FOXK2: variants seen among roughly 807,000 people sequenced by gnomAD.
FOXK2 encodes the protein forkhead box protein K2.
In FOXK2, 24 loss-of-function variants were observed where a neutral mutation model predicts 53.3. The observed-to-expected ratio is 0.45, with a 90% CI of 0.33 to 0.63. FOXK2 has a LOEUF of 0.63. Ranked by LOEUF, FOXK2 falls within the 30% of genes least tolerant of loss-of-function variation. FOXK2 has a pLI of 0.03. For missense variants in FOXK2, 952 were observed against 910.5 expected, an observed-to-expected ratio of 1.05 and a Z score of -0.59; for synonymous variants, 505 against 407.1, an observed-to-expected ratio of 1.24 and a Z score of -2.89.
At chr17:82,587,337 CGTG>C in intron 8 of FOXK2, 65 bp downstream of exon 8, 1 of 1,291,848 alleles carries the variant, frequency 7.7e-7, no homozygotes, top group Non-Finnish European at 1.1e-6. Context: ...CCTTCTCACT[CGTG>C]GTTTCGGTTC....
At chr17:82,583,990 A>G (rs777292072) in intron 5 of FOXK2, 23 bp from the exon 6 acceptor site, 23 of 1,566,786 alleles carry the variant, frequency 1.5e-5, no homozygotes, top group South Asian at 2.3e-5. Context: ...TAACCATGCA[A>G]TGTCTTCTTC....
chr17:82,552,976 C>T (rs2044691189), intron 1 of FOXK2, among the ~76,000 whole-genome samples: 1 of 152,214 alleles, frequency 6.6e-6, no homozygotes, highest in African/African-American at 2.4e-5. Flanking sequence ...TGCTCTGTTG[C>T]CGAGGCTGCA....
chr17:82,560,559 T>C (rs1249421383), intron 1 of FOXK2, among the ~76,000 whole-genome samples: 2 of 152,374 alleles, frequency 1.3e-5, no homozygotes, highest in African/African-American at 4.8e-5. Flanking sequence ...TTTGACTGAT[T>C]CTTTTTATTT....
At chr17:82,555,800 A>C (rs1362073521) in intron 1 of FOXK2, among the ~76,000 whole-genome samples, 1 of 146,122 alleles carries the variant, frequency 6.8e-6, no homozygotes, top group African/African-American at 2.5e-5. Flanking sequence ...AGGCAGGAGA[A>C]TGGCGTGAAC....
chr17:82,531,893 T>G (rs535954482), intron 1 of FOXK2, among the ~76,000 whole-genome samples: 67 of 152,360 alleles, frequency 4.4e-4, no homozygotes, highest in African/African-American at 1.5e-3. Context: ...CAGGCTGCAG[T>G]GCAATGGCGT....
intron 1 of FOXK2, among the ~76,000 whole-genome samples, chr17:82,548,747 C>T (rs1265288470): frequency 1.3e-5 from 2 of 152,194 alleles, no homozygotes; most frequent in Non-Finnish European, 2.9e-5. Context: ...AGGCGCTGTC[C>T]CACAGCCTCT....
At chr17:82,569,347 C>T (rs1043811143) in intron 3 of FOXK2, among the ~76,000 whole-genome samples, 2 of 152,226 alleles carry the variant, frequency 1.3e-5, no homozygotes, top group Admixed American at 6.5e-5. Context: ...TTCTGTCAGG[C>T]TTACAATTGG....
chr17:82,568,218 C>G lies in FOXK2; in HGVS notation c.762+17C>G. The G allele has an allele frequency of 1.2e-6, 2 of 1,611,168 alleles. No individual in the cohort carries two copies. Among genetic ancestry groups the G allele is most frequent in the Non-Finnish European group, 1.7e-6 (2 of 1,179,646 alleles). On this transcript the variant is annotated intron_variant, in intron 3 of 8. Transcript: ENST00000335255. Reference sequence around the variant, plus strand: ...AGCCCGAAGGTAAAGGCTTTGTAGCCTTGAAGCAGCCCCTGGGGGACAGTG... The same window carrying G: ...AGCCCGAAGGTAAAGGCTTTGTAGCGTTGAAGCAGCCCCTGGGGGACAGTG...
chr17:82,603,141 G>A lies in FOXK2; in HGVS notation c.*1642G>A, dbSNP rs1047416128. ...GGTATGAAATGACTGCACACTAGCT[G>A]GATTATCACTCAGCCGTTTAAGAAA... On this transcript the variant is annotated 3_prime_UTR_variant, in exon 9 of 9. Coordinates refer to ENST00000335255, the MANE Select transcript of FOXK2 (RefSeq NM_004514.4). 2.0e-5 allele frequency: 3 copies of A among 152,440 alleles called. No homozygotes were observed. The highest frequency in any genetic ancestry group is 2.0e-4 in the Admixed American group (3 of 15,286). 9.4% of individuals were successfully genotyped at this position (152,440 alleles called of 1,614,324 possible).
At chr17:82,558,371 A>G (rs1226795787) in intron 1 of FOXK2, among the ~76,000 whole-genome samples, 1 of 152,244 alleles carries the variant, frequency 6.6e-6, no homozygotes, top group African/African-American at 2.4e-5. Flanking sequence ...ATGCAAGGGA[A>G]GGATGGCTCA....
chr17:82,527,926 G>A (rs570710973), intron 1 of FOXK2, among the ~76,000 whole-genome samples: 15 of 152,168 alleles, frequency 9.9e-5, no homozygotes, highest in South Asian at 2.1e-4. Flanking sequence ...TCAGTCTCCC[G>A]TGTAGCTGAG....
chr17:82,595,677 A>T, intron 8 of FOXK2: 1 of 899,136 alleles, frequency 1.1e-6, no homozygotes, highest in South Asian at 1.6e-5. Context: ...GAAAGCTCTA[A>T]CAGTGGGGTC....
rs746598877 is a variant in FOXK2 at position 82,587,059 on chromosome 17, T to C, written c.1577-4T>C. The stretch of plus-strand genomic sequence containing the variant: ...TAATGTCGTTTCTTTTCCTTTAATT[T>C]CAGTGAAAGTAGAGCCTATTCCCGC... On this transcript the variant is annotated splice_polypyrimidine_tract_variant and splice_region_variant and intron_variant, in intron 7 of 8. Coordinates refer to ENST00000335255, the MANE Select transcript of FOXK2 (RefSeq NM_004514.4). 73 of 1,611,918 alleles carry C rather than the reference T, an allele frequency of 4.5e-5. No homozygotes were observed. The Admixed American group carries it at 1.2e-3, about 25-fold the overall frequency.
rs1351071769 is a variant in FOXK2 at position 82,519,862 on chromosome 17, G to C, written c.-27G>C. The C allele has an allele frequency of 1.0e-6, 1 of 968,002 alleles. No homozygotes were observed. Among genetic ancestry groups the C allele is most frequent in the Non-Finnish European group, 1.2e-6 (1 of 817,958 alleles). The allele number at this position is 968,002 out of a possible 1,614,324, so 60.0% of individuals were successfully genotyped here. A position where few individuals can be genotyped will look rare whatever the true frequency, so the allele number is the denominator to read the frequency against. On this transcript the variant is annotated 5_prime_UTR_variant, in exon 1 of 9. Coordinates refer to ENST00000335255, the MANE Select transcript of FOXK2 (RefSeq NM_004514.4). Reference sequence around the variant, plus strand: ...CCCGCGCCACCGGCGCCCGCGCGGAGCGGCCCGGGGGCCCTCACGCAGGCC... The same window carrying C: ...CCCGCGCCACCGGCGCCCGCGCGGACCGGCCCGGGGGCCCTCACGCAGGCC...
At chr17:82,564,138 A>T (rs1217877945) in intron 2 of FOXK2, among the ~76,000 whole-genome samples, 1 of 132,940 alleles carries the variant, frequency 7.5e-6, no homozygotes, top group East Asian at 2.3e-4. Context: ...CCCAGGCTGG[A>T]GTGCAGTGGT....
intron 8 of FOXK2, among the ~76,000 whole-genome samples, chr17:82,589,785 C>T (rs1478605074): frequency 6.6e-6 from 1 of 152,012 alleles, no homozygotes; most frequent in Non-Finnish European, 1.5e-5. Context: ...GTGGCTCACG[C>T]CTGTAATCCC....
intron 1 of FOXK2, among the ~76,000 whole-genome samples, chr17:82,533,719 C>T (rs1019449967): frequency 6.6e-6 from 1 of 151,978 alleles, no homozygotes; most frequent in African/African-American, 2.4e-5. Flanking sequence ...TAACGGGACC[C>T]TCATATATGC....
At chr17:82,521,774 C>CAAAAAAA (rs768862024) in intron 1 of FOXK2, among the ~76,000 whole-genome samples, 1 of 116,524 alleles carries the variant, frequency 8.6e-6, no homozygotes, top group Non-Finnish European at 1.8e-5. Context: ...ACTAAAAATA[C>CAAAAAAA]AAAAAAAAAA....
intron 1 of FOXK2, among the ~76,000 whole-genome samples, chr17:82,556,126 C>T (rs1420792577): frequency 6.6e-6 from 1 of 152,078 alleles, no homozygotes; most frequent in Admixed American, 6.6e-5. Flanking sequence ...GGAACTCTCA[C>T]TGACGCAGTC....
Sources: gnomAD v4.1 joint callset for allele counts (sites outside exome capture counted in the v4.1 genomes callset) on GRCh38, gnomAD v4.1.1 for gene constraint, MANE v1.5 for transcripts, NCBI Gene and HGNC (gene_info 2026-07-23, HGNC 2026-07-21) for gene names.